ELOVL7: variants seen among roughly 807,000 people sequenced by gnomAD.
The protein encoded by ELOVL7 is ELOVL fatty acid elongase 7.
A neutral mutation model predicts 35.7 loss-of-function variants in ELOVL7; 27 were observed. The observed-to-expected ratio is 0.76, with a 90% CI of 0.56 to 1.04. ELOVL7 has a LOEUF of 1.04. ELOVL7 is among the 50% of genes least tolerant of loss of function. ELOVL7 has a pLI of 0.00. For synonymous variants in ELOVL7, 113 were observed against 114.6 expected (o/e 0.99, Z 0.09); for missense variants, 327 against 340.8 (o/e 0.96, Z 0.32).
intron 1 of ELOVL7, among the ~76,000 whole-genome samples, chr5:60,837,096 G>C (rs1221613268): frequency 6.6e-6 from 1 of 151,614 alleles, no homozygotes; most frequent in Non-Finnish European, 1.5e-5. Context: ...TGATGAGCCA[G>C]ACTTTGCTGG....
intron 7 of ELOVL7, among the ~76,000 whole-genome samples, chr5:60,760,430 ATGT>A (rs1741832703): frequency 6.6e-6 from 1 of 152,188 alleles, no homozygotes; most frequent in Non-Finnish European, 1.5e-5. Context: ...GGCTGCATAA[ATGT>A]CTTCTTTTGA....
chr5:60,823,301 G>A (rs927995330), intron 1 of ELOVL7, among the ~76,000 whole-genome samples: 2 of 152,046 alleles, frequency 1.3e-5, no homozygotes, highest in African/African-American at 4.8e-5. Context: ...AGATGAGTTA[G>A]TAAAGGGGAG....
intron 4 of ELOVL7, among the ~76,000 whole-genome samples, chr5:60,769,030 G>A (rs1264896948): frequency 6.6e-6 from 1 of 152,140 alleles, no homozygotes; most frequent in Non-Finnish European, 1.5e-5. Flanking sequence ...ATTATAAAAT[G>A]CAACATTCTT....
At position 60,766,583 on chromosome 5, in the gene ELOVL7, T is replaced by C. The variant is rs1414366444; in HGVS notation, c.384A>G (p.Leu128=). ...WLYYFSKFIE[L]LDTIFFVLRK... ...GTGGCCATATACTCACCGTATCTAA[T>C]AGCTCAATAAATTTGGAGAAGTAAT... Residue 128 remains leucine (L), a synonymous_variant, in exon 6 of 9, where the codon CTA becomes CTG. Coordinates refer to ENST00000508821, the MANE Select transcript of ELOVL7 (RefSeq NM_024930.3). The C allele has an allele frequency of 1.9e-6, 3 of 1,612,472 alleles. No individual in the cohort carries two copies. The highest frequency in any genetic ancestry group is 2.5e-6 in the Non-Finnish European group (3 of 1,179,228).
At chr5:60,755,374 C>G (rs1027043071) in intron 8 of ELOVL7, among the ~76,000 whole-genome samples, 1 of 152,090 alleles carries the variant, frequency 6.6e-6, no homozygotes, top group Non-Finnish European at 1.5e-5. Context: ...AAAAATGTGT[C>G]TAGGCCAGAC....
intron 3 of ELOVL7, chr5:60,785,704 A>C (rs1743533815): frequency 6.6e-6 from 1 of 152,022 alleles, no homozygotes; most frequent in Non-Finnish European, 1.5e-5. Context: ...CCCCTAAAGA[A>C]ACTTGAATAT....
chr5:60,766,685 AT>A, intron 5 of ELOVL7, 55 bp from the exon 6 acceptor site: 1 of 1,523,890 alleles, frequency 6.6e-7, no homozygotes, highest in South Asian at 1.2e-5. Context: ...AAAAGCTTAT[AT>A]TTTTAAATTT....
chr5:60,794,468 T>A (rs1744124600), intron 2 of ELOVL7, among the ~76,000 whole-genome samples: 1 of 152,230 alleles, frequency 6.6e-6, no homozygotes, highest in South Asian at 2.1e-4. Context: ...GGAGAGCATC[T>A]GGTTGGAATT....
intron 3 of ELOVL7, among the ~76,000 whole-genome samples, chr5:60,772,728 C>T (rs900117840): frequency 1.3e-5 from 2 of 152,258 alleles, no homozygotes; most frequent in South Asian, 2.1e-4. Context: ...CTTCATGGAT[C>T]GTTCTCCAGG....
chr5:60,768,685 C>G (rs996999785), intron 4 of ELOVL7: 4 of 455,916 alleles, frequency 8.8e-6, no homozygotes, highest in African/African-American at 8.0e-5. Flanking sequence ...TCTTTTAAAA[C>G]AGTATCTGAA....
intron 1 of ELOVL7, among the ~76,000 whole-genome samples, chr5:60,812,861 C>T (rs528401011): frequency 6.6e-6 from 1 of 152,296 alleles, no homozygotes; most frequent in Admixed American, 6.5e-5. Context: ...CATCATTCAG[C>T]TCTTGCTTGT....
intron 1 of ELOVL7, among the ~76,000 whole-genome samples, chr5:60,810,984 G>C (rs1353326900): frequency 6.6e-6 from 1 of 152,068 alleles, no homozygotes; most frequent in Non-Finnish European, 1.5e-5. Context: ...AGTAAATAAG[G>C]TATATTTATC....
At chr5:60,763,535 G>A (rs1170080630) in intron 7 of ELOVL7, among the ~76,000 whole-genome samples, 2 of 152,048 alleles carry the variant, frequency 1.3e-5, no homozygotes, top group Non-Finnish European at 2.9e-5. Context: ...ATTTTCCTAA[G>A]GTAAGAATAT....
chr5:60,827,947 A>G (rs1746268038), intron 1 of ELOVL7, among the ~76,000 whole-genome samples: 1 of 151,732 alleles, frequency 6.6e-6, no homozygotes, highest in Non-Finnish European at 1.5e-5. Flanking sequence ...ACTCCTTTCC[A>G]TCCACAGAGG....
chr5:60,810,052 C>T (rs1745156901), intron 1 of ELOVL7, among the ~76,000 whole-genome samples: 1 of 152,206 alleles, frequency 6.6e-6, no homozygotes, highest in African/African-American at 2.4e-5. Context: ...AGCCCTCAAA[C>T]TATCGCTCAG....
chr5:60,773,041 G>C (rs1304631882), intron 3 of ELOVL7, among the ~76,000 whole-genome samples: 3 of 152,044 alleles, frequency 2.0e-5, no homozygotes, highest in Non-Finnish European at 4.4e-5. Context: ...AAAATGCACG[G>C]TCTCACAATT....
intron 2 of ELOVL7, among the ~76,000 whole-genome samples, chr5:60,789,624 G>A (rs1289588801): frequency 1.3e-5 from 2 of 152,090 alleles, no homozygotes; most frequent in Non-Finnish European, 2.9e-5. Context: ...AACTTATCCT[G>A]TAGAAATACA....
In ELOVL7 at chr5:60,752,045, T is replaced by C. The variant is rs1423187997; in HGVS notation, c.*2579A>G. 2 of 152,186 alleles carry C rather than the reference T, an allele frequency of 1.3e-5. No individual in the cohort carries two copies. The highest frequency in any genetic ancestry group is 2.9e-5 in the Non-Finnish European group (2 of 68,034). 9.4% of individuals were successfully genotyped at this position (152,186 alleles called of 1,614,324 possible). ...ATAGAGATTTATGTAATAAACTAGA[T>C]TTTGGAACTATTTATTTTGTTGTTG... On this transcript the variant is annotated 3_prime_UTR_variant, in exon 9 of 9. Transcript: ENST00000508821.
intron 3 of ELOVL7, among the ~76,000 whole-genome samples, chr5:60,782,610 C>G (rs1324647137): frequency 1.3e-5 from 2 of 152,178 alleles, no homozygotes; most frequent in African/African-American, 4.8e-5. Flanking sequence ...AACCAATGGA[C>G]TATTATTCAG....
Sources: allele counts gnomAD v4.1 joint callset (sites outside exome capture counted in the v4.1 genomes callset), GRCh38; gene constraint gnomAD v4.1.1; transcripts MANE v1.5; gene names NCBI Gene and HGNC (gene_info 2026-07-23, HGNC 2026-07-21).